PTPRD: variants seen among roughly 807,000 people sequenced by gnomAD.
PTPRD encodes receptor-type tyrosine-protein phosphatase delta.
Under a neutral mutation model 214.5 loss-of-function variants are expected in PTPRD, and 34 were observed. The ratio of observed to expected loss-of-function variants is 0.16; its 90% confidence interval spans 0.12 to 0.21. The LOEUF is 0.21. Ranked by LOEUF, PTPRD falls within the 10% of genes least tolerant of loss-of-function variation. The pLI, the probability that PTPRD is intolerant of heterozygous loss-of-function variation, is 1.00. For synonymous variants in PTPRD, 1,128 were observed against 845.7 expected, an observed-to-expected ratio of 1.33 and a Z score of -5.79; for missense variants, 2,545 against 2,398.7, an observed-to-expected ratio of 1.06 and a Z score of -1.27.
intron 10 of PTPRD, among the ~76,000 whole-genome samples, chr9:9,147,593 A>C (rs373154541): frequency 2.6e-5 from 4 of 152,178 alleles, no homozygotes; most frequent in African/African-American, 9.7e-5. Flanking sequence ...CCATGAATAA[A>C]GCTTTCTTGG....
chr9:9,539,894 CA>C (rs2077240170), intron 8 of PTPRD, among the ~76,000 whole-genome samples: 1 of 151,766 alleles, frequency 6.6e-6, no homozygotes, highest in Non-Finnish European at 1.5e-5. Flanking sequence ...AGCCCTTTTC[CA>C]AATGTGATAC....
chr9:8,575,204 T>C (rs74605002), intron 14 of PTPRD, among the ~76,000 whole-genome samples: 5,210 of 152,170 alleles, frequency 0.034, 342 homozygotes, highest in African/African-American at 0.12. Context: ...TAAGCTAAAT[T>C]GTTCCTGAAA....
intron 11 of PTPRD, among the ~76,000 whole-genome samples, chr9:8,810,746 A>G (rs1417951522): frequency 1.3e-5 from 2 of 152,200 alleles, no homozygotes; most frequent in Admixed American, 6.5e-5. Context: ...GACTTGCAGT[A>G]GTTTTCTTCA....
chr9:8,758,989 A>G (rs1381342254), intron 11 of PTPRD, among the ~76,000 whole-genome samples: 2 of 150,822 alleles, frequency 1.3e-5, no homozygotes, highest in Non-Finnish European at 2.9e-5. Context: ...CTGGCCTAAC[A>G]GGGTCATTTT....
At chr9:9,369,998 G>A (rs1450039219) in intron 9 of PTPRD, among the ~76,000 whole-genome samples, 1 of 152,134 alleles carries the variant, frequency 6.6e-6, no homozygotes, top group Non-Finnish European at 1.5e-5. Flanking sequence ...TTACCACGAT[G>A]TTTTCGTTAC....
chr9:9,761,951 T>G (rs1234602886), intron 6 of PTPRD, among the ~76,000 whole-genome samples: 1 of 152,180 alleles, frequency 6.6e-6, no homozygotes, highest in Non-Finnish European at 1.5e-5. Context: ...TGGGCTGGCT[T>G]AACAAAATAC....
At chr9:9,375,707 A>C (rs912620480) in intron 9 of PTPRD, among the ~76,000 whole-genome samples, 11 of 152,182 alleles carry the variant, frequency 7.2e-5, no homozygotes, top group African/African-American at 2.4e-4. Context: ...ACAAAGAATA[A>C]ATATGGTATG....
At chr9:10,217,994 T>C (rs1445042434) in intron 3 of PTPRD, among the ~76,000 whole-genome samples, 1 of 151,890 alleles carries the variant, frequency 6.6e-6, no homozygotes, top group Non-Finnish European at 1.5e-5. Flanking sequence ...GGTAATCTTT[T>C]TTCGGGGTAG....
At chr9:9,245,164 T>C (rs917794090) in intron 9 of PTPRD, among the ~76,000 whole-genome samples, 1 of 152,156 alleles carries the variant, frequency 6.6e-6, no homozygotes, top group Non-Finnish European at 1.5e-5. Flanking sequence ...TGTGGAGAAA[T>C]AGGAACACTT....
At chr9:9,642,547 C>T (rs2096002330) in intron 7 of PTPRD, among the ~76,000 whole-genome samples, 1 of 152,114 alleles carries the variant, frequency 6.6e-6, no homozygotes, top group Non-Finnish European at 1.5e-5. Flanking sequence ...TCCAGGCCTT[C>T]TCTCTGTAAC....
intron 35 of PTPRD, among the ~76,000 whole-genome samples, chr9:8,435,734 C>T (rs550452809): frequency 4.6e-5 from 7 of 152,112 alleles, no homozygotes; most frequent in East Asian, 1.9e-4. Context: ...CACACACGCA[C>T]GCACGTGCAT....
At chr9:8,398,581 A>G (rs2091747800) in intron 36 of PTPRD, among the ~76,000 whole-genome samples, 1 of 152,208 alleles carries the variant, frequency 6.6e-6, no homozygotes, top group Admixed American at 6.5e-5. Flanking sequence ...TAGTACTGAG[A>G]GGTGAGGTCT....
intron 10 of PTPRD, among the ~76,000 whole-genome samples, chr9:9,169,152 T>A (rs1404259021): frequency 6.6e-6 from 1 of 152,026 alleles, no homozygotes; most frequent in Non-Finnish European, 1.5e-5. Context: ...TTAATAAATC[T>A]TATAGAGCCT....
chr9:9,777,428 C>G lies in PTPRD; in HGVS notation c.-367-10577G>C, dbSNP rs550185652. Among the ~76,000 whole-genome samples the G allele has an allele frequency of 5.4e-4, 82 of 152,140 alleles. No homozygotes were observed. The South Asian group carries it at 5.4e-3, about 10-fold the overall frequency. On this transcript the variant is annotated intron_variant, in intron 5 of 45. Coordinates refer to ENST00000381196, the MANE Select transcript of PTPRD (RefSeq NM_002839.4). ...ATATAATTCCAGCTAGGTGTGGTGGCTAATGCTTGTAATCCCAGCCATTTG... is the reference window on the plus strand; with the variant it reads ...ATATAATTCCAGCTAGGTGTGGTGGGTAATGCTTGTAATCCCAGCCATTTG...
chr9:10,207,399 T>C (rs2099488720), intron 3 of PTPRD, among the ~76,000 whole-genome samples: 1 of 152,090 alleles, frequency 6.6e-6, no homozygotes, highest in Non-Finnish European at 1.5e-5. Context: ...TCTAATGTTA[T>C]TTATCAGGTA....
chr9:8,733,944 A>G lies in PTPRD; in HGVS notation c.-101T>C, dbSNP rs2098688927. On this transcript the variant is annotated splice_region_variant and 5_prime_UTR_variant, in exon 12 of 46. Coordinates refer to ENST00000381196, the MANE Select transcript of PTPRD (RefSeq NM_002839.4). The stretch of plus-strand genomic sequence containing the variant: ...GAAATTTCAGCTGGAACACTTTCAG[A>G]GCCTGAAAGCGGGGAGGAAGAGAAA... 5.1e-6 allele frequency: 6 copies of G among 1,178,526 alleles called. No homozygotes were observed. Among genetic ancestry groups the G allele is most frequent in the Non-Finnish European group, 7.3e-6 (6 of 821,524 alleles). 73.0% of individuals were successfully genotyped at this position (1,178,526 alleles called of 1,614,324 possible).
chr9:9,637,456 G>A (rs935553322), intron 7 of PTPRD, among the ~76,000 whole-genome samples: 3 of 152,274 alleles, frequency 2.0e-5, no homozygotes, highest in Admixed American at 2.0e-4. Flanking sequence ...AGGAGTAATG[G>A]GTCACATGTA....
chr9:9,953,241 C>G (rs1417856933), intron 4 of PTPRD, among the ~76,000 whole-genome samples: 1 of 152,034 alleles, frequency 6.6e-6, no homozygotes, highest in African/African-American at 2.4e-5. Context: ...AATTTGTGCA[C>G]GCAGACTGCC....
At chr9:9,996,166 T>C (rs2096115162) in intron 4 of PTPRD, among the ~76,000 whole-genome samples, 2 of 152,172 alleles carry the variant, frequency 1.3e-5, no homozygotes, top group African/African-American at 4.8e-5. Context: ...TGCCCAGAAA[T>C]AAATGAAGGA....
Sources: gnomAD v4.1 joint callset for allele counts (sites outside exome capture counted in the v4.1 genomes callset) on GRCh38, gnomAD v4.1.1 for gene constraint, MANE v1.5 for transcripts, NCBI Gene and HGNC (gene_info 2026-07-23, HGNC 2026-07-21) for gene names.